Variants in SH3TC2 observed in about 807,000 individuals in gnomAD.
SH3TC2 encodes SH3 domain and tetratricopeptide repeat-containing protein 2.
A neutral mutation model predicts 124.5 loss-of-function variants in SH3TC2; 87 were observed. The observed-to-expected ratio is 0.70, with a 90% CI of 0.59 to 0.84. The LOEUF (loss-of-function observed/expected upper bound fraction) is 0.84. Among genes scored for constraint, SH3TC2 ranks in the 40% least tolerant of loss-of-function variants. The pLI is 0.00. For missense variants in SH3TC2, 1,536 were observed against 1,566.4 expected (o/e 0.98, Z 0.33); for synonymous variants, 634 against 628.5 (o/e 1.01, Z -0.13).
chr5:149,008,514 C>A (rs955337925), intron 15 of SH3TC2: 4 of 389,300 alleles, frequency 1.0e-5, no homozygotes, highest in South Asian at 2.6e-5. Flanking sequence ...ACTTGGGGAA[C>A]AACAGCACCT....
At chr5:149,030,333 C>G (rs774652181) in intron 9 of SH3TC2, among the ~76,000 whole-genome samples, 6 of 152,244 alleles carry the variant, frequency 3.9e-5, no homozygotes, top group Non-Finnish European at 8.8e-5. Flanking sequence ...GCCTGCACAA[C>G]CATAAGGTGC....
At chr5:149,028,777 C>T in intron 9 of SH3TC2, 59 bp from the exon 10 acceptor site, 2 of 1,577,870 alleles carry the variant, frequency 1.3e-6, no homozygotes, top group East Asian at 4.5e-5. Flanking sequence ...CATGCCCATG[C>T]CTCCAGGTGT....
chr5:149,042,694 C>A lies in SH3TC2; in HGVS notation c.529G>T (p.Gly177Cys). The change falls in exon 5 of 17, where the codon GGC becomes TGC. Residue 177 changes from glycine (G) to cysteine (C), a missense_variant and splice_region_variant. This residue lies in a region of SH3TC2 where 1,102 missense variants were observed against 1,098.6 expected (regional missense o/e 1.00). Coordinates refer to ENST00000515425, the MANE Select transcript of SH3TC2 (RefSeq NM_024577.4). ...TIYLGLLIQEGHFFCRALCSV... is the reference protein window; with the variant it reads ...TIYLGLLIQECHFFCRALCSV... ...ATCTCTACCCCTATGCCACACTCAC[C>A]TTCCTGTATCAGGAGTCCCAGGTAT... The A allele has an allele frequency of 6.2e-7, 1 of 1,614,092 alleles. No individual in the cohort carries two copies. Among genetic ancestry groups the A allele is most frequent in the South Asian group, 1.1e-5 (1 of 91,078 alleles).
intron 8 of SH3TC2, among the ~76,000 whole-genome samples, chr5:149,033,284 A>G (rs543292129): frequency 5.9e-5 from 9 of 152,186 alleles, no homozygotes; most frequent in Non-Finnish European, 1.2e-4. Flanking sequence ...ATTGCATTAG[A>G]TATTTCCAAA....
At chr5:149,057,243 T>C (rs1178611199) in intron 1 of SH3TC2, among the ~76,000 whole-genome samples, 2 of 149,150 alleles carry the variant, frequency 1.3e-5, no homozygotes, top group Non-Finnish European at 3.0e-5. Flanking sequence ...TCTTTTCTTC[T>C]TCAGTATAGA....
chr5:149,012,635 C>A lies in SH3TC2; in HGVS notation c.3153G>T (p.Gly1051=), dbSNP rs759831920. ...CTTCCTGCATGAGGTAGTGGAGTCG[C>A]CCCGCCCCAAGCCAGGCCTCAGCAG... The part of the protein sequence containing the change: ...DKAAEAWLGA[G]RLHYLMQEDE... Residue 1051 remains glycine, a synonymous_variant, in exon 13 of 17, where the codon GGG becomes GGT. Transcript: ENST00000515425. 12 of 1,614,064 alleles carry A rather than the reference C, an allele frequency of 7.4e-6. No homozygotes were observed. Among genetic ancestry groups the A allele is most frequent in the Non-Finnish European group, 8.5e-7 (1 of 1,180,036 alleles).
chr5:149,054,726 G>A (rs947432271), intron 1 of SH3TC2, among the ~76,000 whole-genome samples: 4 of 152,316 alleles, frequency 2.6e-5, no homozygotes, highest in African/African-American at 9.6e-5. Flanking sequence ...GGGCCAAGTG[G>A]TTGCTGTCGC....
At chr5:149,005,987 C>CA (rs924735138) in intron 16 of SH3TC2, 40 of 152,306 alleles carry the variant, frequency 2.6e-4, no homozygotes, top group African/African-American at 9.1e-4. Context: ...CTGGGGTGGG[C>CA]ATAATGGCCT....
chr5:148,989,467 G>A lies in SH3TC2; in HGVS notation c.*15244C>T, dbSNP rs1259483665. On this transcript the variant is annotated 3_prime_UTR_variant, in exon 17 of 17. Transcript: ENST00000515425. ...GAATATCTGAATTCATTCACATCCA[G>A]AAATCACATTGTAGTTGTTGAATCC... Among the ~76,000 whole-genome samples the A allele has an allele frequency of 6.6e-6, 1 of 152,194 alleles. No individual in the cohort carries two copies. Among genetic ancestry groups the A allele is most frequent in the Non-Finnish European group, 1.5e-5 (1 of 68,032 alleles).
At position 148,986,103 on chromosome 5, in the gene SH3TC2, C is replaced by G. The variant is rs1472494475; in HGVS notation, c.*18608G>C. On this transcript the variant is annotated 3_prime_UTR_variant, in exon 17 of 17. Transcript: ENST00000515425. ...AAGGCTGTTTTGATCCAATTATAAT[C>G]AATTTTCACTCACTAAGGCCCTGCT... 6.6e-6 allele frequency among the ~76,000 whole-genome samples: 1 copy of G among 152,156 alleles called. No individual in the cohort carries two copies. The highest frequency in any genetic ancestry group is 1.5e-5 in the Non-Finnish European group (1 of 68,024).
rs1192932512 is a variant in SH3TC2 at position 149,027,695 on chromosome 5, C to A, written c.2037G>T (p.Leu679=). ...GGTGTGGAAGATATTTCTTGTCATA[C>A]AGAAAACTCAAAACACTGGCCACAG... is the stretch of plus-strand genomic sequence containing the variant. ...SEAVASVLSF[L]YDKKYLPHLA... Residue 679 remains leucine (L), a synonymous_variant, in exon 11 of 17, where the codon CTG becomes CTT. Coordinates refer to ENST00000515425, the MANE Select transcript of SH3TC2 (RefSeq NM_024577.4). The A allele has an allele frequency of 1.9e-6, 3 of 1,614,118 alleles. No individual in the cohort carries two copies. Among genetic ancestry groups the A allele is most frequent in the Non-Finnish European group, 2.5e-6 (3 of 1,179,956 alleles).
intron 12 of SH3TC2, among the ~76,000 whole-genome samples, chr5:149,014,484 T>C (rs547055542): frequency 1.1e-4 from 16 of 152,318 alleles, no homozygotes; most frequent in Admixed American, 2.6e-4. Context: ...GAAACAAGCA[T>C]TGCTCTCAAC....
At chr5:149,043,273 C>G (rs968391369) in intron 4 of SH3TC2, among the ~76,000 whole-genome samples, 3 of 152,168 alleles carry the variant, frequency 2.0e-5, no homozygotes, top group Admixed American at 2.0e-4. Flanking sequence ...ATGGCTCCCC[C>G]TCAGTGAATT....
intron 1 of SH3TC2, among the ~76,000 whole-genome samples, chr5:149,054,768 G>A (rs1264044958): frequency 6.6e-6 from 1 of 152,168 alleles, no homozygotes; most frequent in African/African-American, 2.4e-5. Context: ...AGCCACCATG[G>A]TGCCCACCCT....
Position 149,031,572 on chromosome 5 carries a change from T to C in SH3TC2, c.1117A>G (p.Thr373Ala). 1 of 1,614,112 alleles carries C rather than the reference T, an allele frequency of 6.2e-7. No homozygotes were observed. Residue 373 changes from threonine to alanine, a missense_variant, in exon 9 of 17, where the codon ACA becomes GCA. Thr to Ala is a moderately conservative substitution (Grantham distance 58). This residue lies in a region of SH3TC2 where 1,102 missense variants were observed against 1,098.6 expected (regional missense o/e 1.00). Coordinates refer to ENST00000515425, the MANE Select transcript of SH3TC2 (RefSeq NM_024577.4). ...FLHTLARTDITSVYRLSGFES... is the reference protein window; with the variant it reads ...FLHTLARTDIASVYRLSGFES... ...CACTCACTGAGCCGGTAGACAGATG[T>C]GATGTCAGTGCGAGCAAGAGTGTGG...
At chr5:149,019,192 T>C (rs1248408214) in intron 12 of SH3TC2, among the ~76,000 whole-genome samples, 2 of 152,208 alleles carry the variant, frequency 1.3e-5, no homozygotes, top group Non-Finnish European at 2.9e-5. Context: ...GCTTTCCCCT[T>C]TTTACTCAGC....
Position 149,026,846 on chromosome 5 carries a change from T to C in SH3TC2, c.2872+14A>G, listed in dbSNP as rs1374170282. On this transcript the variant is annotated intron_variant, in intron 11 of 16. Transcript: ENST00000515425. The stretch of plus-strand genomic sequence containing the variant: ...TTTTCTCTATAGCTTCCCAGCAGCA[T>C]GGGACATACTTACTCTTTAGATGTC... 6.2e-7 allele frequency: 1 copy of C among 1,614,178 alleles called. No individual in the cohort carries two copies. Among genetic ancestry groups the C allele is most frequent in the African/African-American group, 1.3e-5 (1 of 75,050 alleles).
intron 1 of SH3TC2, among the ~76,000 whole-genome samples, chr5:149,058,889 T>A (rs920920303): frequency 5.9e-5 from 9 of 152,036 alleles, no homozygotes; most frequent in African/African-American, 1.9e-4. Context: ...AAATTCTACT[T>A]GGGTAACCTG....
intron 2 of SH3TC2, 146 bp from the exon 3 acceptor site, chr5:149,048,135 C>T (rs560262878): frequency 1.3e-4 from 145 of 1,089,226 alleles, no homozygotes; most frequent in Non-Finnish European, 1.8e-4. Flanking sequence ...GGTCTTAACA[C>T]TTCTCGGAGC....
Sources: gnomAD v4.1 joint callset for allele counts (sites outside exome capture counted in the v4.1 genomes callset) on GRCh38, gnomAD v4.1.1 for gene constraint, gnomAD v4.1.1 regional missense constraint, MANE v1.5 for transcripts, NCBI Gene and HGNC (gene_info 2026-07-23, HGNC 2026-07-21) for gene names.